IL1RAPL2: variants seen among roughly 807,000 people sequenced by gnomAD.
The protein encoded by IL1RAPL2 is interleukin 1 receptor accessory protein like 2.
IL1RAPL2 carries 3 observed loss-of-function variants against 44.1 expected under a neutral mutation model. The observed-to-expected ratio is 0.07, with a 90% CI of 0.03 to 0.18. The LOEUF (loss-of-function observed/expected upper bound fraction) is 0.18, where lower values mean the gene tolerates loss of function less well. Ranked by LOEUF, IL1RAPL2 falls within the 10% of genes least tolerant of loss-of-function variation. The pLI is 1.00. For synonymous variants in IL1RAPL2, 181 were observed against 178.8 expected, an observed-to-expected ratio of 1.01 and a Z score of -0.10; for missense variants, 391 against 496.4, an observed-to-expected ratio of 0.79 and a Z score of 2.02.
rs182787381 is a variant in IL1RAPL2 at position 104,605,967 on chromosome X, G to C, written c.-20+38916G>C. On this transcript the variant is annotated intron_variant, in intron 1 of 10. Transcript: ENST00000372582. The stretch of plus-strand genomic sequence containing the variant: ...AGAGGGAGTCCTCCCTAACTCATTT[G>C]ATGAGGCCAGCATCATCCTGATACC... 2.9e-3 allele frequency among the ~76,000 whole-genome samples: 320 copies of C among 111,703 alleles called. 3 individuals carry two copies. The highest frequency in any genetic ancestry group is 9.9e-3 in the African/African-American group (303 of 30,738).
chrX:105,519,500 C>T (rs777112438), intron 6 of IL1RAPL2, among the ~76,000 whole-genome samples: 1 of 111,003 alleles, frequency 9.0e-6, no homozygotes, highest in African/African-American at 3.3e-5. Flanking sequence ...TAGCTCAGGA[C>T]TGATGGAAGC....
At chrX:104,682,550 C>T (rs1037612390) in intron 2 of IL1RAPL2, among the ~76,000 whole-genome samples, 1 of 112,410 alleles carries the variant, frequency 8.9e-6, no homozygotes, top group African/African-American at 3.2e-5. Context: ...TTCTCACATT[C>T]GTGTTTCAGC....
chrX:104,782,291 C>T (rs1344303643), intron 2 of IL1RAPL2, among the ~76,000 whole-genome samples: 1 of 110,404 alleles, frequency 9.1e-6, no homozygotes, highest in Non-Finnish European at 1.9e-5. Context: ...TATCATCATC[C>T]CCTTCCAGAA....
rs1556198603 is a variant in IL1RAPL2 at position 105,233,901 on chromosome X, G to A, written c.440G>A (p.Arg147His). The A allele has an allele frequency of 8.3e-7, 1 of 1,209,743 alleles. No individual in the cohort carries two copies. Among genetic ancestry groups the A allele is most frequent in the Admixed American group, 2.2e-5 (1 of 46,028 alleles). ...ESGLCYNSRIRYLEKSEVTKR... is the reference protein window; with the variant it reads ...ESGLCYNSRIHYLEKSEVTKR... ...GGCCTGTGCTACAACAGCAGGATCC[G>A]CTATTTAGAAAAATCTGAAGTCACT... The change falls in exon 4 of 11, where the codon CGC (arginine) becomes CAC (histidine). Residue 147 changes from arginine (R) to histidine (H), a missense_variant. Physicochemically the swap from Arg to His is conservative, Grantham distance 29 (BLOSUM62 0). This residue lies in a region of IL1RAPL2 where 159 missense variants were observed against 251.7 expected (regional missense o/e 0.63). Coordinates refer to ENST00000372582, the MANE Select transcript of IL1RAPL2 (RefSeq NM_017416.2).
intron 5 of IL1RAPL2, among the ~76,000 whole-genome samples, chrX:105,472,443 T>C (rs1483595139): frequency 1.8e-5 from 2 of 111,699 alleles, no homozygotes; most frequent in Non-Finnish European, 3.8e-5. Context: ...TCCCAAGATT[T>C]CCTATCTCAG....
Position 105,233,552 on chromosome X carries a change from TCAGACTATCTTA to T in IL1RAPL2, c.357-262_357-251del, listed in dbSNP as rs1213364075. On this transcript the variant is annotated intron_variant, in intron 3 of 10. Transcript: ENST00000372582. ...GCAATATTTATTGCTGGGAAAGAAG[TCAGACTATCTTA>T]CAGTTTGGAAGATGGGTATAGCTTC... Among the ~76,000 whole-genome samples, 41 of 112,066 alleles carry T rather than the reference TCAGACTATCTTA, an allele frequency of 3.7e-4. 1 individual carries two copies. Among genetic ancestry groups the T allele is most frequent in the Admixed American group, 3.4e-3 (36 of 10,558 alleles).
chrX:104,625,712 A>G, intron 1 of IL1RAPL2, among the ~76,000 whole-genome samples: 1 of 111,473 alleles, frequency 9.0e-6, no homozygotes, highest in East Asian at 2.8e-4. Context: ...GGGGTGGACC[A>G]GTAAAGAAAT....
chrX:104,913,098 C>G (rs1179051178), intron 2 of IL1RAPL2, among the ~76,000 whole-genome samples: 1 of 111,706 alleles, frequency 9.0e-6, no homozygotes, highest in Non-Finnish European at 1.9e-5. Context: ...AACACAGAGA[C>G]TATGCAATCA....
intron 1 of IL1RAPL2, among the ~76,000 whole-genome samples, chrX:104,578,256 G>T (rs1470589056): frequency 8.9e-6 from 1 of 112,118 alleles, no homozygotes; most frequent in African/African-American, 3.2e-5. Context: ...CTGCCAGAAA[G>T]TAAGAAGTGC....
intron 6 of IL1RAPL2, among the ~76,000 whole-genome samples, chrX:105,644,027 G>A (rs2037587524): frequency 9.0e-6 from 1 of 111,150 alleles, no homozygotes; most frequent in South Asian, 3.8e-4. Flanking sequence ...GAGTAGCTGG[G>A]ACTACAGGGG....
chrX:105,115,828 G>A (rs1001178812), intron 2 of IL1RAPL2, among the ~76,000 whole-genome samples: 8 of 112,987 alleles, frequency 7.1e-5, no homozygotes, highest in Non-Finnish European at 1.3e-4. Flanking sequence ...GGCTCGGGCC[G>A]TGCAGGAGCC....
chrX:105,729,052 C>T (rs2038377341), intron 7 of IL1RAPL2, among the ~76,000 whole-genome samples: 1 of 111,124 alleles, frequency 9.0e-6, no homozygotes, highest in African/African-American at 3.3e-5. Flanking sequence ...AGTTCTGTGG[C>T]TTGATGGTTA....
intron 1 of IL1RAPL2, among the ~76,000 whole-genome samples, chrX:104,625,761 G>C (rs1479067922): frequency 9.0e-6 from 1 of 111,577 alleles, no homozygotes; most frequent in Non-Finnish European, 1.9e-5. Context: ...CCTGAAACCA[G>C]AGAAGGCTAG....
chrX:105,109,718 T>C (rs2032781818), intron 2 of IL1RAPL2, among the ~76,000 whole-genome samples: 1 of 112,208 alleles, frequency 8.9e-6, no homozygotes, highest in East Asian at 2.8e-4. Flanking sequence ...TAAAAACAAC[T>C]GAATTGTACA....
intron 2 of IL1RAPL2, among the ~76,000 whole-genome samples, chrX:104,887,027 C>T (rs1423762515): frequency 1.8e-5 from 2 of 112,507 alleles, no homozygotes; most frequent in African/African-American, 3.2e-5. Context: ...AATATCTAGG[C>T]CTAATCTTAG....
chrX:104,730,375 C>G (rs145421413), intron 2 of IL1RAPL2, among the ~76,000 whole-genome samples: 1 of 72,973 alleles, frequency 1.4e-5, no homozygotes, highest in African/African-American at 4.4e-5. Context: ...CCTCCCCTCC[C>G]CCCCACCCCA....
At chrX:105,690,884 T>G (rs925128896) in intron 6 of IL1RAPL2, among the ~76,000 whole-genome samples, 2 of 111,370 alleles carry the variant, frequency 1.8e-5, no homozygotes, top group African/African-American at 6.5e-5. Flanking sequence ...CAAAAATTTT[T>G]TCCTCACAGT....
intron 2 of IL1RAPL2, among the ~76,000 whole-genome samples, chrX:105,120,958 T>C (rs1396675102): frequency 9.0e-6 from 1 of 111,354 alleles, no homozygotes; most frequent in Non-Finnish European, 1.9e-5. Flanking sequence ...TTTGGTGGAC[T>C]AATCAGTTTC....
At chrX:105,403,448 G>A (rs184575169) in intron 5 of IL1RAPL2, among the ~76,000 whole-genome samples, 179 of 111,374 alleles carry the variant, frequency 1.6e-3, no homozygotes, top group Non-Finnish European at 2.7e-3. Context: ...ACTTCTTGTT[G>A]TGTTAACATC....
Sources: gnomAD v4.1 joint callset for allele counts (sites outside exome capture counted in the v4.1 genomes callset) on GRCh38, gnomAD v4.1.1 for gene constraint, gnomAD v4.1.1 regional missense constraint, MANE v1.5 for transcripts, NCBI Gene and HGNC (gene_info 2026-07-23, HGNC 2026-07-21) for gene names.